GABRG3: variants seen among roughly 807,000 people sequenced by gnomAD.
The protein encoded by GABRG3 is gamma-aminobutyric acid receptor subunit gamma-3.
In GABRG3, 25 loss-of-function variants were observed where a neutral mutation model predicts 48.8. The ratio of observed to expected loss-of-function variants is 0.51; its 90% confidence interval spans 0.37 to 0.72. The LOEUF is 0.72. GABRG3 is among the 30% of genes least tolerant of loss of function. The probability of loss-of-function intolerance (pLI) is 0.00; values close to 1 mark genes in which losing one functional copy is unlikely to be tolerated. For missense variants in GABRG3, 394 were observed against 577.9 expected (o/e 0.68, Z 3.26); for synonymous variants, 227 against 217.6 (o/e 1.04, Z -0.38).
intron 3 of GABRG3, among the ~76,000 whole-genome samples, chr15:27,325,122 C>T (rs1353532659): frequency 6.6e-6 from 1 of 152,172 alleles, no homozygotes; most frequent in South Asian, 2.1e-4. Context: ...TTCATTTCAC[C>T]ACTCTTTGAA....
intron 3 of GABRG3, among the ~76,000 whole-genome samples, chr15:27,065,186 C>G (rs558299632): frequency 2.8e-4 from 43 of 152,252 alleles, no homozygotes; most frequent in Non-Finnish European, 5.6e-4. Flanking sequence ...TTTTACTCAC[C>G]ATAACGAGTG....
chr15:27,493,598 G>T (rs1044059896), intron 6 of GABRG3, among the ~76,000 whole-genome samples: 10 of 152,126 alleles, frequency 6.6e-5, no homozygotes, highest in Non-Finnish European at 1.2e-4. Flanking sequence ...CTGAAAGACT[G>T]CTCTGAAGTT....
At chr15:27,304,914 T>G (rs11631230) in intron 3 of GABRG3, among the ~76,000 whole-genome samples, 1,837 of 152,084 alleles carry the variant, frequency 0.012, 17 homozygotes, top group Middle Eastern at 0.02. Context: ...GGTGTATGAT[T>G]TGCATTTTTT....
intron 3 of GABRG3, among the ~76,000 whole-genome samples, chr15:27,122,934 A>T (rs1897756109): frequency 6.6e-6 from 1 of 152,210 alleles, no homozygotes; most frequent in Non-Finnish European, 1.5e-5. Context: ...TGTTTCAGGA[A>T]GGTTAGGGTG....
At chr15:27,035,058 A>T (rs948296693) in intron 3 of GABRG3, among the ~76,000 whole-genome samples, 1 of 152,172 alleles carries the variant, frequency 6.6e-6, no homozygotes, top group Non-Finnish European at 1.5e-5. Flanking sequence ...CGCCTCTGAG[A>T]GTTCATAGGC....
At chr15:27,161,470 A>G (rs1263375977) in intron 3 of GABRG3, among the ~76,000 whole-genome samples, 4 of 152,128 alleles carry the variant, frequency 2.6e-5, no homozygotes, top group Admixed American at 6.5e-5. Flanking sequence ...ATCTTTTACA[A>G]TGTCTGCATA....
intron 3 of GABRG3, among the ~76,000 whole-genome samples, chr15:27,243,848 G>A (rs889081969): frequency 6.6e-6 from 1 of 152,128 alleles, no homozygotes; most frequent in Non-Finnish European, 1.5e-5. Flanking sequence ...TCCAGTAAAT[G>A]GAAGTTTTTT....
chr15:27,532,671 G>A lies in GABRG3; in HGVS notation c.1194G>A (p.Gln398=). ...CTTTAAACAATTCCGTTTACTGGCAGGAATTTGAAGATACCTGTGTCTATG... is the reference window on the plus strand; with the variant it reads ...CTTTAAACAATTCCGTTTACTGGCAAGAATTTGAAGATACCTGTGTCTATG... ...MITLNNSVYW[Q]EFEDTCVYEC... is the part of the protein sequence containing the mutation. Residue 398 remains glutamine, a synonymous_variant, in exon 10 of 10, where the codon CAG becomes CAA. Coordinates refer to ENST00000615808, the MANE Select transcript of GABRG3 (RefSeq NM_033223.5). 1 of 1,614,002 alleles carries A rather than the reference G, an allele frequency of 6.2e-7. No individual in the cohort carries two copies. Among genetic ancestry groups the A allele is most frequent in the Non-Finnish European group, 8.5e-7 (1 of 1,179,892 alleles).
intron 2 of GABRG3, among the ~76,000 whole-genome samples, chr15:27,005,869 G>T (rs1477047720): frequency 1.3e-5 from 2 of 152,054 alleles, no homozygotes; most frequent in South Asian, 2.1e-4. Context: ...TCCCTAATTT[G>T]TACCTTTGGA....
intron 5 of GABRG3, among the ~76,000 whole-genome samples, chr15:27,398,666 G>GCACACACACACACACACACACA (rs111910385): frequency 2.7e-5 from 4 of 147,304 alleles, no homozygotes; most frequent in East Asian, 2.0e-4. Context: ...ACAAGCGCGC[G>GCACACACACACACACACACACA]CACACACACA....
intron 3 of GABRG3, among the ~76,000 whole-genome samples, chr15:27,061,351 C>G (rs536213778): frequency 9.9e-5 from 15 of 152,054 alleles, no homozygotes; most frequent in African/African-American, 3.4e-4. Context: ...ACACTGTATA[C>G]GGGGCTGGGT....
intron 3 of GABRG3, among the ~76,000 whole-genome samples, chr15:27,161,583 C>T (rs574443428): frequency 6.6e-6 from 1 of 152,270 alleles, no homozygotes; most frequent in South Asian, 2.1e-4. Context: ...GTCCTATTTA[C>T]AAGTTATTTG....
chr15:27,251,951 G>T (rs2034772366), intron 3 of GABRG3, among the ~76,000 whole-genome samples: 1 of 152,206 alleles, frequency 6.6e-6, no homozygotes, highest in African/African-American at 2.4e-5. Flanking sequence ...TAAGAGCCCT[G>T]TGAGCCTGCG....
chr15:27,341,681 C>T lies in GABRG3; in HGVS notation c.574+12793C>T, dbSNP rs141998806. Among the ~76,000 whole-genome samples, 1,165 of 152,204 alleles carry T rather than the reference C, an allele frequency of 7.7e-3. 17 individuals are homozygous for T. The highest frequency in any genetic ancestry group is 0.027 in the African/African-American group (1,115 of 41,516). On this transcript the variant is annotated intron_variant, in intron 5 of 9. Transcript: ENST00000615808. ...CAGAGCAGAATGGCCAGCAAGTCTG[C>T]GCTCTCGGGATCAATATATCACGCG...
At chr15:27,185,290 C>G (rs1468268784) in intron 3 of GABRG3, among the ~76,000 whole-genome samples, 1 of 152,044 alleles carries the variant, frequency 6.6e-6, no homozygotes. Context: ...TGTTCTTCAC[C>G]CATAGATTAT....
chr15:27,315,233 A>G (rs760200320), intron 3 of GABRG3, among the ~76,000 whole-genome samples: 1 of 152,238 alleles, frequency 6.6e-6, no homozygotes, highest in Non-Finnish European at 1.5e-5. Context: ...AAGTGATAAC[A>G]GATTAGCATG....
chr15:27,364,772 G>T (rs1326727639), intron 5 of GABRG3: 4 of 152,118 alleles, frequency 2.6e-5, no homozygotes, highest in African/African-American at 9.7e-5. Context: ...CATTACTGAA[G>T]GTTTACTGGT....
chr15:27,201,739 A>G (rs1485080259), intron 3 of GABRG3, among the ~76,000 whole-genome samples: 5 of 152,174 alleles, frequency 3.3e-5, no homozygotes, highest in African/African-American at 1.2e-4. Context: ...TGCTGTTTAT[A>G]ATCGGAACAA....
At chr15:27,401,535 G>C (rs983903439) in intron 5 of GABRG3, among the ~76,000 whole-genome samples, 2 of 152,176 alleles carry the variant, frequency 1.3e-5, no homozygotes, top group Non-Finnish European at 2.9e-5. Flanking sequence ...AGATAATTAT[G>C]TAGATATTTA....
Sources: gnomAD v4.1 joint callset for allele counts (sites outside exome capture counted in the v4.1 genomes callset) on GRCh38, gnomAD v4.1.1 for gene constraint, MANE v1.5 for transcripts, NCBI Gene and HGNC (gene_info 2026-07-23, HGNC 2026-07-21) for gene names.